Variants in GRM7 observed in about 807,000 individuals in gnomAD.
GRM7 encodes the protein metabotropic glutamate receptor 7.
GRM7 carries 35 observed loss-of-function variants against 84.5 expected under a neutral mutation model. The ratio of observed to expected loss-of-function variants is 0.41; its 90% CI spans 0.32 to 0.55. The LOEUF is 0.55. Among genes scored for constraint, GRM7 ranks in the 20% least tolerant of loss-of-function variants. The pLI is 0.19. For missense variants in GRM7, 1,003 were observed against 1,194.6 expected, an observed-to-expected ratio of 0.84 and a Z score of 2.36; for synonymous variants, 487 against 455.1, an observed-to-expected ratio of 1.07 and a Z score of -0.89.
At chr3:7,691,657 T>G (rs972062229) in intron 9 of GRM7, among the ~76,000 whole-genome samples, 3 of 152,108 alleles carry the variant, frequency 2.0e-5, no homozygotes, top group African/African-American at 7.2e-5. Context: ...TTTTTTATTC[T>G]GTTTTGTTTA....
chr3:7,670,696 C>G (rs1325481296), intron 8 of GRM7, among the ~76,000 whole-genome samples: 1 of 3,494 alleles, frequency 2.9e-4, no homozygotes, highest in African/African-American at 1.2e-3. Flanking sequence ...TATTTCACAT[C>G]TTTAGAAACT....
At position 7,093,676 on chromosome 3, in the gene GRM7, C is replaced by CAAAAAAA. The variant is rs1209938099; in HGVS notation, c.520-52744_520-52738dup. Among the ~76,000 whole-genome samples the CAAAAAAA allele has an allele frequency of 2.1e-3, 30 of 13,954 alleles. 9 individuals carry two copies. The highest frequency in any genetic ancestry group is 0.012 in the Admixed American group (7 of 582). 9.2% of individuals were successfully genotyped at this position (13,954 alleles called of 152,430 possible). ...TGGGCGATAGAGCAAGACTCTGTCTCAAAAAAAAAAAAAAAAAAAAAAAAA... is the reference window on the plus strand; with the variant it reads ...TGGGCGATAGAGCAAGACTCTGTCTCAAAAAAAAAAAAAAAAAAAAAAAAAAAAAAAA... On this transcript the variant is annotated intron_variant, in intron 1 of 9. Coordinates refer to ENST00000357716, the MANE Select transcript of GRM7 (RefSeq NM_000844.4).
intron 4 of GRM7, among the ~76,000 whole-genome samples, chr3:7,367,125 T>A (rs1252249378): frequency 6.6e-6 from 1 of 150,420 alleles, no homozygotes; most frequent in African/African-American, 2.4e-5. Context: ...TTTATTTCTT[T>A]ACTTCAGAAA....
At chr3:6,871,681 C>A (rs1480358718) in intron 1 of GRM7, among the ~76,000 whole-genome samples, 1 of 152,034 alleles carries the variant, frequency 6.6e-6, no homozygotes, top group Non-Finnish European at 1.5e-5. Context: ...AATAAAAATG[C>A]ATGACCATGT....
At chr3:6,864,027 G>C (rs916071307) in intron 1 of GRM7, among the ~76,000 whole-genome samples, 4 of 152,116 alleles carry the variant, frequency 2.6e-5, no homozygotes, top group African/African-American at 9.7e-5. Context: ...TGGGGGGCTG[G>C]CCTGACACTA....
intron 4 of GRM7, among the ~76,000 whole-genome samples, chr3:7,343,973 A>G (rs910662795): frequency 6.6e-6 from 1 of 152,150 alleles, no homozygotes; most frequent in African/African-American, 2.4e-5. Context: ...AAGGTTGACT[A>G]TTTGTCTGAA....
chr3:7,030,904 T>C (rs1173963575), intron 1 of GRM7, among the ~76,000 whole-genome samples: 1 of 152,220 alleles, frequency 6.6e-6, no homozygotes, highest in Non-Finnish European at 1.5e-5. Context: ...AAACTCTGGC[T>C]CTCTTGAAGT....
intron 8 of GRM7, among the ~76,000 whole-genome samples, chr3:7,624,757 G>A (rs139465643): frequency 1.3e-5 from 2 of 152,232 alleles, no homozygotes; most frequent in Non-Finnish European, 2.9e-5. Flanking sequence ...TTTTACTGTA[G>A]GTGAGCTTAG....
At chr3:7,503,382 A>G (rs1304420387) in intron 7 of GRM7, among the ~76,000 whole-genome samples, 1 of 150,418 alleles carries the variant, frequency 6.6e-6, no homozygotes, top group Non-Finnish European at 1.5e-5. Context: ...TAAAATGTGC[A>G]CGCACATGCA....
chr3:6,881,921 TTG>T (rs3060190), intron 1 of GRM7, among the ~76,000 whole-genome samples: 2,550 of 144,632 alleles, frequency 0.018, 26 homozygotes, highest in African/African-American at 0.02. Context: ...GGCAATTGAA[TTG>T]TGTGTGTGTG....
chr3:7,426,482 A>AT (rs200900054), intron 5 of GRM7, among the ~76,000 whole-genome samples: 26 of 149,042 alleles, frequency 1.7e-4, no homozygotes, highest in African/African-American at 3.7e-4. Context: ...CTCTGCCTGG[A>AT]TTTTTTTTTT....
chr3:7,146,406 A>C (rs1239297207), intron 1 of GRM7, 46 bp from the exon 2 acceptor site: 1 of 1,364,300 alleles, frequency 7.3e-7, no homozygotes, highest in African/African-American at 1.4e-5. Context: ...TGAGTCTCTT[A>C]CATCCTGACG....
intron 2 of GRM7, among the ~76,000 whole-genome samples, chr3:7,159,429 G>C (rs1339998911): frequency 6.6e-6 from 1 of 152,150 alleles, no homozygotes; most frequent in East Asian, 1.9e-4. Flanking sequence ...TTTTCCCCCA[G>C]AGTGAAAGAG....
intron 7 of GRM7, among the ~76,000 whole-genome samples, chr3:7,483,641 TATG>T (rs1409118978): frequency 6.6e-6 from 1 of 152,146 alleles, no homozygotes; most frequent in Non-Finnish European, 1.5e-5. Flanking sequence ...AGGGAAGCAA[TATG>T]ATCTCAGTTA....
intron 1 of GRM7, among the ~76,000 whole-genome samples, chr3:7,130,493 A>C (rs1351527446): frequency 6.6e-6 from 1 of 150,906 alleles, no homozygotes; most frequent in Admixed American, 6.6e-5. Flanking sequence ...CAGGGAGCCG[A>C]GATCGCACCA....
chr3:7,230,314 A>G (rs1044063744), intron 2 of GRM7, among the ~76,000 whole-genome samples: 5 of 152,162 alleles, frequency 3.3e-5, no homozygotes, highest in African/African-American at 1.2e-4. Flanking sequence ...GGCATCATGG[A>G]TATGCTTATT....
rs189444731 is a variant in GRM7, at chr3:7,656,183, G to C, written c.2452-23866G>C. 2.8e-3 allele frequency among the ~76,000 whole-genome samples: 432 copies of C among 152,212 alleles called. 7 individuals are homozygous for C. Among genetic ancestry groups the C allele is most frequent in the Middle Eastern group, 0.017 (5 of 294 alleles). ...CATAAATCAAAACCTGTGGGTGAGTGTGTGTGGTTAAATGTGCATTTCCTG... is the reference window on the plus strand; with the variant it reads ...CATAAATCAAAACCTGTGGGTGAGTCTGTGTGGTTAAATGTGCATTTCCTG... On this transcript the variant is annotated intron_variant, in intron 8 of 9. Coordinates refer to ENST00000357716, the MANE Select transcript of GRM7 (RefSeq NM_000844.4).
chr3:7,734,628 T>C (rs1434199738), intron 9 of GRM7, among the ~76,000 whole-genome samples: 1 of 152,214 alleles, frequency 6.6e-6, no homozygotes, highest in East Asian at 1.9e-4. Context: ...TTTTTACCCC[T>C]GCCAAGTTTC....
chr3:7,455,852 T>C (rs1035035915), intron 6 of GRM7, among the ~76,000 whole-genome samples: 10 of 152,150 alleles, frequency 6.6e-5, no homozygotes, highest in East Asian at 5.8e-4. Context: ...TTAGATATAG[T>C]ATGATTTTAA....
Sources: gnomAD v4.1 joint callset for allele counts (sites outside exome capture counted in the v4.1 genomes callset) on GRCh38, gnomAD v4.1.1 for gene constraint, MANE v1.5 for transcripts, NCBI Gene and HGNC (gene_info 2026-07-23, HGNC 2026-07-21) for gene names.